Variants in UBR1 observed in about 807,000 individuals in gnomAD.
UBR1 encodes ubiquitin protein ligase E3 component n-recognin 1, also known as E3 ubiquitin-protein ligase UBR1.
UBR1 carries 102 observed loss-of-function variants against 242.1 expected under a neutral mutation model. The observed-to-expected ratio is 0.42, with a 90% CI of 0.36 to 0.50. UBR1 has a LOEUF of 0.50. Among genes scored for constraint, UBR1 ranks in the 20% least tolerant of loss-of-function variants. The pLI is 0.01. For synonymous variants in UBR1, 675 were observed against 684.8 expected (o/e 0.99, Z 0.22); for missense variants, 1,772 against 2,101.8 (o/e 0.84, Z 3.07).
intron 33 of UBR1, among the ~76,000 whole-genome samples, chr15:42,992,754 G>C (rs1157221933): frequency 6.6e-6 from 1 of 152,104 alleles, no homozygotes; most frequent in Non-Finnish European, 1.5e-5. Flanking sequence ...AGCTCCAAAG[G>C]GCCCTTTTCC....
At position 43,024,910 on chromosome 15, in the gene UBR1, G is replaced by A. The variant is rs760496286; in HGVS notation, c.2658C>T (p.Ile886=). Reference sequence around the variant, plus strand: ...ATACGGTCCTGAGAATGTACATCATGATATCACAGTTGAGAAGGTTAATCA... The same window carrying A: ...ATACGGTCCTGAGAATGTACATCATAATATCACAGTTGAGAAGGTTAATCA... ...SKVINLLNCD[I]MMYILRTVFE... The change falls in exon 25 of 47, where the codon ATC becomes ATT. Residue 886 remains isoleucine (I), a synonymous_variant. Transcript: ENST00000290650. 6 of 1,614,064 alleles carry A rather than the reference G, an allele frequency of 3.7e-6. No homozygotes were observed. The highest frequency in any genetic ancestry group is 1.6e-4 in the Middle Eastern group (1 of 6,084).
intron 14 of UBR1, among the ~76,000 whole-genome samples, chr15:43,044,102 T>C (rs1280989752): frequency 6.6e-6 from 1 of 152,222 alleles, no homozygotes; most frequent in African/African-American, 2.4e-5. Flanking sequence ...ACAACTCCTA[T>C]TCAGGCAGTG....
chr15:42,953,077 T>C (rs1295112627), intron 44 of UBR1, among the ~76,000 whole-genome samples: 1 of 152,078 alleles, frequency 6.6e-6, no homozygotes, highest in Non-Finnish European at 1.5e-5. Flanking sequence ...TGAGAGATTG[T>C]AGCCTTTGAG....
At chr15:43,005,439 C>A (rs952559240) in intron 30 of UBR1, among the ~76,000 whole-genome samples, 1 of 151,492 alleles carries the variant, frequency 6.6e-6, no homozygotes, top group East Asian at 2.0e-4. Flanking sequence ...CAGCCCCCGC[C>A]CGGCCAGCCA....
At chr15:43,041,318 T>C (rs531337679) in intron 15 of UBR1, among the ~76,000 whole-genome samples, 1 of 152,040 alleles carries the variant, frequency 6.6e-6, no homozygotes, top group Non-Finnish European at 1.5e-5. Flanking sequence ...CTGGAAACCA[T>C]CATTCTCAGC....
intron 1 of UBR1, among the ~76,000 whole-genome samples, chr15:43,090,640 T>C (rs1196924635): frequency 6.6e-6 from 1 of 151,874 alleles, no homozygotes; most frequent in African/African-American, 2.4e-5. Context: ...AACTTGCATA[T>C]TCAGCGCTAC....
chr15:42,994,598 G>A (rs1490754936), intron 33 of UBR1, among the ~76,000 whole-genome samples: 1 of 152,044 alleles, frequency 6.6e-6, no homozygotes, highest in Non-Finnish European at 1.5e-5. Context: ...ACAACACAGC[G>A]TGAAAATAAA....
chr15:43,017,029 A>T, intron 28 of UBR1, 66 bp downstream of exon 28: 1 of 1,301,524 alleles, frequency 7.7e-7, no homozygotes, highest in Non-Finnish European at 1.1e-6. Context: ...TAGCTCCCTT[A>T]TACCAGTAAA....
chr15:43,055,303 G>C (rs1010655554), intron 11 of UBR1, among the ~76,000 whole-genome samples: 2 of 152,072 alleles, frequency 1.3e-5, no homozygotes, highest in Admixed American at 1.3e-4. Context: ...AAATTAGCCA[G>C]GTGTGGTGGC....
At chr15:42,984,160 C>G (rs974086325) in intron 36 of UBR1, among the ~76,000 whole-genome samples, 167 bp from the exon 37 acceptor site, 4 of 152,168 alleles carry the variant, frequency 2.6e-5, no homozygotes, top group African/African-American at 9.7e-5. Flanking sequence ...AATACCTGTA[C>G]AAGGTTTTAT....
At chr15:42,997,742 A>T (rs977857479) in intron 33 of UBR1, among the ~76,000 whole-genome samples, 1 of 152,194 alleles carries the variant, frequency 6.6e-6, no homozygotes, top group Non-Finnish European at 1.5e-5. Context: ...ACATATAATA[A>T]CTCTGCTAAT....
chr15:43,070,803 G>T lies in UBR1; in HGVS notation c.651C>A (p.Leu217=), dbSNP rs757512693. The change falls in exon 5 of 47, where the codon CTC becomes CTA. Residue 217 remains leucine (L), a synonymous_variant. Transcript: ENST00000290650. ...WEEEKELPPE[L]QIREKNERYY... ...TTGACAGTTTTCCCCACCTTATCTG[G>T]AGTTCAGGAGGCAGTTCTTTTTCCT... 1 of 1,613,306 alleles carries T rather than the reference G, an allele frequency of 6.2e-7. No individual in the cohort carries two copies. Among genetic ancestry groups the T allele is most frequent in the Non-Finnish European group, 8.5e-7 (1 of 1,179,954 alleles).
intron 39 of UBR1, 54 bp downstream of exon 39, chr15:42,976,663 C>T: frequency 6.3e-7 from 1 of 1,598,700 alleles, no homozygotes; most frequent in Non-Finnish European, 8.6e-7. Flanking sequence ...TTAATTTTGC[C>T]AGTAAAGCAT....
intron 30 of UBR1, among the ~76,000 whole-genome samples, chr15:43,005,035 G>A (rs1425257713): frequency 6.0e-5 from 9 of 150,364 alleles, no homozygotes; most frequent in South Asian, 2.1e-4. Flanking sequence ...CCGCGACCCC[G>A]TCTGGGAACT....
intron 42 of UBR1, among the ~76,000 whole-genome samples, chr15:42,961,467 A>T (rs1365478756): frequency 7.0e-6 from 1 of 143,606 alleles, no homozygotes; most frequent in Non-Finnish European, 1.5e-5. Context: ...TCTGTCACCC[A>T]GGCTGGAGTG....
intron 37 of UBR1, among the ~76,000 whole-genome samples, chr15:42,980,049 T>C (rs1255301716): frequency 6.6e-6 from 1 of 152,236 alleles, no homozygotes; most frequent in Non-Finnish European, 1.5e-5. Context: ...ATATTTCTGA[T>C]ATTTCAGTTA....
At chr15:42,963,192 C>T (rs1443124657) in intron 42 of UBR1, among the ~76,000 whole-genome samples, 1 of 151,952 alleles carries the variant, frequency 6.6e-6, no homozygotes, top group Non-Finnish European at 1.5e-5. Context: ...AAGAAAAGAA[C>T]CCAACACAGA....
chr15:42,967,795 T>TA (rs1018338493), intron 40 of UBR1, among the ~76,000 whole-genome samples: 6 of 150,090 alleles, frequency 4.0e-5, no homozygotes, highest in Non-Finnish European at 7.4e-5. Context: ...TCTATTAACT[T>TA]AAAAAAAAAG....
At chr15:43,018,018 T>C (rs1335730251) in intron 27 of UBR1, among the ~76,000 whole-genome samples, 1 of 151,830 alleles carries the variant, frequency 6.6e-6, no homozygotes, top group African/African-American at 2.4e-5. Context: ...GTTTTTTTTT[T>C]TTTTAACAGG....
Sources: allele counts gnomAD v4.1 joint callset (sites outside exome capture counted in the v4.1 genomes callset), GRCh38; gene constraint gnomAD v4.1.1; transcripts MANE v1.5; gene names NCBI Gene and HGNC (gene_info 2026-07-23, HGNC 2026-07-21).